The following DNAAF11 variants were observed in gnomAD, a reference collection of about 807,000 sequenced individuals.
DNAAF11 encodes the protein dynein axonemal assembly factor 11.
In DNAAF11, 45 loss-of-function variants were observed where a neutral mutation model predicts 60.8. The ratio of observed to expected loss-of-function variants is 0.74; its 90% CI spans 0.58 to 0.95. The LOEUF (loss-of-function observed/expected upper bound fraction) is 0.95, where lower values mean the gene tolerates loss of function less well. Ranked by LOEUF, DNAAF11 falls within the 40% of genes least tolerant of loss-of-function variation. The pLI is 0.00. For missense variants in DNAAF11, 546 were observed against 546.2 expected, an observed-to-expected ratio of 1.00 and a Z score of 0.00; for synonymous variants, 191 against 183.5, an observed-to-expected ratio of 1.04 and a Z score of -0.33.
rs186072752 is a variant in DNAAF11 at position 132,591,467 on chromosome 8, T to C, written c.1141-7688A>G. Among the ~76,000 whole-genome samples the C allele has an allele frequency of 5.3e-5, 8 of 152,044 alleles. No homozygotes were observed. The East Asian group carries it at 1.2e-3, about 22-fold the overall frequency. On this transcript the variant is annotated intron_variant, in intron 10 of 11. Coordinates refer to ENST00000620350, the MANE Select transcript of DNAAF11 (RefSeq NM_012472.6). ...AGATGAAAAATATAATATTTTATTA[T>C]AATATGTAATGGAAATTTCTCATAT...
chr8:132,642,538 G>T (rs1821960486), intron 3 of DNAAF11, among the ~76,000 whole-genome samples: 1 of 152,236 alleles, frequency 6.6e-6, no homozygotes, highest in African/African-American at 2.4e-5. Context: ...GCAAATAATT[G>T]CTCTGGGACA....
At chr8:132,667,296 T>A (rs948903537) in intron 1 of DNAAF11, among the ~76,000 whole-genome samples, 14 of 152,348 alleles carry the variant, frequency 9.2e-5, no homozygotes, top group Non-Finnish European at 1.2e-4. Context: ...AAACTGGAGA[T>A]AATGTTAGCA....
At chr8:132,589,786 T>G (rs571642709) in intron 10 of DNAAF11, among the ~76,000 whole-genome samples, 1 of 152,184 alleles carries the variant, frequency 6.6e-6, no homozygotes, top group Non-Finnish European at 1.5e-5. Context: ...CACTGTCTCA[T>G]AGGAGGTAGG....
At chr8:132,664,708 AC>A (rs1480531598) in intron 1 of DNAAF11, among the ~76,000 whole-genome samples, 1 of 149,362 alleles carries the variant, frequency 6.7e-6, no homozygotes, top group African/African-American at 2.5e-5. Context: ...CAAGCGATCC[AC>A]CCACCTTGGC....
At chr8:132,625,117 C>A (rs1820119736) in intron 6 of DNAAF11, among the ~76,000 whole-genome samples, 155 bp downstream of exon 6, 1 of 151,856 alleles carries the variant, frequency 6.6e-6, no homozygotes, top group South Asian at 2.1e-4. Flanking sequence ...GAATGTTAGC[C>A]AATACAATTC....
At chr8:132,617,662 G>A (rs1563628394) in intron 7 of DNAAF11, among the ~76,000 whole-genome samples, 1 of 152,100 alleles carries the variant, frequency 6.6e-6, no homozygotes, top group Admixed American at 6.6e-5. Flanking sequence ...ACACTATGTT[G>A]AATAGGAGTG....
At chr8:132,637,725 G>A (rs1821441101) in intron 4 of DNAAF11, among the ~76,000 whole-genome samples, 1 of 152,204 alleles carries the variant, frequency 6.6e-6, no homozygotes, top group South Asian at 2.1e-4. Context: ...GGATGAGAAA[G>A]GTGAAAAGTA....
At chr8:132,668,617 T>G (rs1824873924) in intron 1 of DNAAF11, among the ~76,000 whole-genome samples, 1 of 152,048 alleles carries the variant, frequency 6.6e-6, no homozygotes, top group East Asian at 1.9e-4. Context: ...TTTTTTTTTG[T>G]ATTTTTAATA....
chr8:132,617,344 G>A (rs1315008486), intron 7 of DNAAF11, among the ~76,000 whole-genome samples: 2 of 152,140 alleles, frequency 1.3e-5, no homozygotes, highest in African/African-American at 4.8e-5. Context: ...TGAGCAGTCA[G>A]TAAGATAGAA....
upstream of DNAAF11, chr8:132,675,608 CG>C: frequency 1.7e-6 from 2 of 1,162,376 alleles, no homozygotes; most frequent in Non-Finnish European, 2.4e-6. Context: ...GCCATGGCAA[CG>C]GGGACTCTAC....
intron 3 of DNAAF11, chr8:132,643,398 G>A: frequency 6.3e-6 from 2 of 315,572 alleles, no homozygotes; most frequent in Non-Finnish European, 1.3e-5. Flanking sequence ...TGACACAGGT[G>A]GAGATGGAGA....
chr8:132,659,553 C>T (rs1176151353), intron 2 of DNAAF11, among the ~76,000 whole-genome samples: 1 of 152,066 alleles, frequency 6.6e-6, no homozygotes, highest in Non-Finnish European at 1.5e-5. Context: ...TTCTTTCATG[C>T]CCCCATGCAT....
chr8:132,678,953 A>G (rs1260253063), upstream of DNAAF11, among the ~76,000 whole-genome samples: 2 of 152,140 alleles, frequency 1.3e-5, no homozygotes, highest in Non-Finnish European at 1.5e-5. Context: ...TGAATAAACA[A>G]TTGGGCTGTC....
intron 10 of DNAAF11, among the ~76,000 whole-genome samples, chr8:132,605,214 C>T (rs572180091): frequency 6.6e-6 from 1 of 152,184 alleles, no homozygotes; most frequent in South Asian, 2.1e-4. Flanking sequence ...GAATAATTTG[C>T]CAAGGTCACA....
In DNAAF11 at chr8:132,674,118, G is replaced by A. The variant is rs962653341; in HGVS notation, c.10+1366C>T. ...GGAGCAGGAGGAGGAGGAGCAGGAG[G>A]AGGAGGAGGAGGAGGAGAAGGAGGA... On this transcript the variant is annotated intron_variant, in intron 1 of 11. Transcript: ENST00000620350. 9.7e-4 allele frequency among the ~76,000 whole-genome samples: 123 copies of A among 127,416 alleles called. 2 individuals carry two copies. The highest frequency in any genetic ancestry group is 3.6e-3 in the African/African-American group (119 of 33,472). 83.6% of individuals were successfully genotyped at this position (127,416 alleles called of 152,430 possible). A position where few individuals can be genotyped will look rare whatever the true frequency, so the allele number is the denominator to read the frequency against.
At chr8:132,580,652 A>T (rs1050769162) in intron 11 of DNAAF11, among the ~76,000 whole-genome samples, 2 of 152,250 alleles carry the variant, frequency 1.3e-5, no homozygotes, top group African/African-American at 4.8e-5. Context: ...ACACCTAAAA[A>T]TTAATAAAAC....
chr8:132,596,713 A>G (rs1817050859), intron 10 of DNAAF11, among the ~76,000 whole-genome samples: 1 of 152,178 alleles, frequency 6.6e-6, no homozygotes, highest in Non-Finnish European at 1.5e-5. Flanking sequence ...TGACTTGCCT[A>G]GGCTACTTTA....
intron 5 of DNAAF11, among the ~76,000 whole-genome samples, chr8:132,627,351 C>T (rs892754666): frequency 6.6e-6 from 1 of 152,114 alleles, no homozygotes; most frequent in Non-Finnish European, 1.5e-5. Context: ...ACATAAGTCT[C>T]CAAGGCAAAA....
intron 1 of DNAAF11, among the ~76,000 whole-genome samples, chr8:132,669,106 A>T (rs1473307506): frequency 6.6e-6 from 1 of 152,138 alleles, no homozygotes; most frequent in African/African-American, 2.4e-5. Flanking sequence ...TTTGTTAGAC[A>T]TATCACAGCC....
Sources: allele counts gnomAD v4.1 joint callset (sites outside exome capture counted in the v4.1 genomes callset), GRCh38; gene constraint gnomAD v4.1.1; transcripts MANE v1.5; gene names NCBI Gene and HGNC (gene_info 2026-07-23, HGNC 2026-07-21).